IRAG2: variants seen among roughly 807,000 people sequenced by gnomAD.
IRAG2 encodes lymphoid restricted membrane protein.
IRAG2 carries 45 observed loss-of-function variants against 69.9 expected under a neutral mutation model. The ratio of observed to expected loss-of-function variants is 0.64; its 90% CI spans 0.51 to 0.83. The LOEUF (loss-of-function observed/expected upper bound fraction) is 0.83. Among genes scored for constraint, IRAG2 ranks in the 40% least tolerant of loss-of-function variants. The probability of loss-of-function intolerance (pLI) is 0.00; values close to 1 mark genes in which losing one functional copy is unlikely to be tolerated. For synonymous variants in IRAG2, 193 were observed against 202.4 expected, an observed-to-expected ratio of 0.95 and a Z score of 0.40; for missense variants, 520 against 587.0, an observed-to-expected ratio of 0.89 and a Z score of 1.18.
At chr12:25,043,523 G>A (rs1373263786) in intron 16 of IRAG2, among the ~76,000 whole-genome samples, 1 of 152,152 alleles carries the variant, frequency 6.6e-6, no homozygotes, top group Non-Finnish European at 1.5e-5. Context: ...TCTTTCCAGG[G>A]ATGAAAGGAT....
intron 3 of IRAG2, among the ~76,000 whole-genome samples, chr12:25,014,031 T>C (rs1054400803): frequency 2.6e-5 from 4 of 151,496 alleles, no homozygotes; most frequent in African/African-American, 4.8e-5. Flanking sequence ...CCTGCCACCA[T>C]GCCCAGCTAA....
At chr12:25,073,267 T>G (rs1013212243) in intron 6 of IRAG2, among the ~76,000 whole-genome samples, 1 of 152,274 alleles carries the variant, frequency 6.6e-6, no homozygotes, top group African/African-American at 2.4e-5. Context: ...TATTAGGTGA[T>G]AAAATTGCTG....
At chr12:25,026,364 G>C (rs1944621619) in intron 8 of IRAG2, among the ~76,000 whole-genome samples, 1 of 152,210 alleles carries the variant, frequency 6.6e-6, no homozygotes, top group African/African-American at 2.4e-5. Flanking sequence ...AGAAGCAGGA[G>C]TTAGGCAGGG....
chr12:25,091,447 C>T (rs1948055042), intron 14 of IRAG2, among the ~76,000 whole-genome samples: 1 of 152,078 alleles, frequency 6.6e-6, no homozygotes, highest in African/African-American at 2.4e-5. Context: ...TTTTAAGGCT[C>T]AATAAAATTC....
At chr12:25,069,477 T>C (rs1159165657) in intron 6 of IRAG2, 46 bp downstream of exon 6, 1 of 1,529,740 alleles carries the variant, frequency 6.5e-7, no homozygotes, top group Non-Finnish European at 9.0e-7. Flanking sequence ...TATTACCATA[T>C]CCTGTTCTTC....
intron 4 of IRAG2, among the ~76,000 whole-genome samples, chr12:25,065,788 GC>G (rs1287763241): frequency 2.0e-5 from 3 of 152,268 alleles, no homozygotes; most frequent in Admixed American, 6.5e-5. Context: ...TCCTGCCTTA[GC>G]CCCCCAAGTA....
In IRAG2 at chr12:25,101,204, A is replaced by C; in HGVS notation, c.768A>C (p.Glu256Asp). The C allele has an allele frequency of 1.2e-6, 2 of 1,609,948 alleles. No individual in the cohort carries two copies. Among genetic ancestry groups the C allele is most frequent in the East Asian group, 2.2e-5 (1 of 44,736 alleles). Residue 256 changes from glutamate to aspartate, a missense_variant, in exon 16 of 22, where the codon GAA becomes GAC. Physicochemically the swap from Glu to Asp is conservative, Grantham distance 45 (BLOSUM62 2). Transcript: ENST00000556887. ...NQESRVSKAV[E>D]VMIQHVENLK... ...AAAGCCGGGTTAGTAAAGCAGTTGA[A>C]GTGATGATTCAGCACGTAGAAAACT...
chr12:25,052,131 G>A (rs1944889451), upstream of IRAG2: 1 of 391,652 alleles, frequency 2.6e-6, no homozygotes, highest in African/African-American at 2.1e-5. Flanking sequence ...AGGAAGTGGT[G>A]TTAAGTTTGA....
intron 6 of IRAG2, among the ~76,000 whole-genome samples, chr12:25,077,193 T>TG (rs1946750973): frequency 8.3e-5 from 10 of 120,272 alleles, no homozygotes; most frequent in Non-Finnish European, 1.4e-4. Flanking sequence ...ATGATATATA[T>TG]ATGAAATATA....
At chr12:25,085,730 C>T (rs1183385897) in intron 10 of IRAG2, among the ~76,000 whole-genome samples, 1 of 152,236 alleles carries the variant, frequency 6.6e-6, no homozygotes, top group Non-Finnish European at 1.5e-5. Flanking sequence ...CAGCACTTCC[C>T]TGCCCACCTC....
chr12:25,019,736 C>G (rs1944562988), intron 6 of IRAG2, among the ~76,000 whole-genome samples: 1 of 150,836 alleles, frequency 6.6e-6, no homozygotes, highest in African/African-American at 2.4e-5. Flanking sequence ...GAGGGTGGAA[C>G]CCTTGCCAGG....
intron 14 of IRAG2, among the ~76,000 whole-genome samples, chr12:25,090,596 AC>A (rs1032579172): frequency 5.6e-4 from 85 of 152,130 alleles, no homozygotes; most frequent in African/African-American, 2.0e-3. Context: ...ATTTTCAATA[AC>A]ACTTTCATAA....
At chr12:25,100,070 A>C in intron 15 of IRAG2, among the ~76,000 whole-genome samples, 1 of 151,884 alleles carries the variant, frequency 6.6e-6, no homozygotes. Context: ...AAGATACACA[A>C]ATGGTCAATA....
chr12:25,064,855 C>G (rs761095367), intron 4 of IRAG2, among the ~76,000 whole-genome samples: 1 of 152,066 alleles, frequency 6.6e-6, no homozygotes. Context: ...TTTGGGAGGC[C>G]GAGGTGGGCG....
At chr12:25,051,981 C>T (rs748816427), upstream of IRAG2, among the ~76,000 whole-genome samples, 5 of 152,174 alleles carry the variant, frequency 3.3e-5, no homozygotes, top group Admixed American at 2.6e-4. Flanking sequence ...GAACTGAACA[C>T]ACCAGTGTAA....
intron 6 of IRAG2, among the ~76,000 whole-genome samples, chr12:25,077,209 G>GAAATATATATGAAAT (rs1555138995): frequency 3.0e-5 from 1 of 33,722 alleles, no homozygotes; most frequent in Non-Finnish European, 7.4e-5. Context: ...ATATATATAT[G>GAAATATATATGAAAT]ATATATATGA....
intron 1 of IRAG2, among the ~76,000 whole-genome samples, chr12:25,053,763 AT>A (rs1449121327): frequency 6.6e-6 from 1 of 151,216 alleles, no homozygotes; most frequent in African/African-American, 2.4e-5. Flanking sequence ...AGAAATAAAC[AT>A]TGTTTATTTG....
chr12:25,060,469 C>G (rs1401626286), intron 1 of IRAG2, among the ~76,000 whole-genome samples: 1 of 151,936 alleles, frequency 6.6e-6, no homozygotes, highest in Non-Finnish European at 1.5e-5. Context: ...AAGCTCTGTT[C>G]CATGAGTCTA....
rs879078061 is a variant in IRAG2 at position 25,108,204 on chromosome 12, T to C, written c.*144T>C. On this transcript the variant is annotated 3_prime_UTR_variant, in exon 22 of 22. Coordinates refer to ENST00000556887, the MANE Select transcript of IRAG2 (RefSeq NM_001366544.2). ...TAAGATAGCTTACATTTCCTCTTTT[T>C]GCCTTTATCTCCCCAACTAAAATAC... is the stretch of plus-strand genomic sequence containing the variant. The C allele has an allele frequency of 2.3e-6, 2 of 887,312 alleles. No individual in the cohort carries two copies. The highest frequency in any genetic ancestry group is 5.2e-5 in the East Asian group (2 of 38,552). The allele number at this position is 887,312 out of a possible 1,614,324, so 55.0% of individuals were successfully genotyped here.
Sources: gnomAD v4.1 joint callset for allele counts (sites outside exome capture counted in the v4.1 genomes callset) on GRCh38, gnomAD v4.1.1 for gene constraint, MANE v1.5 for transcripts, NCBI Gene and HGNC (gene_info 2026-07-23, HGNC 2026-07-21) for gene names.